Variants in CTIF observed in about 807,000 individuals in gnomAD.
CTIF encodes the protein cap binding complex dependent translation initiation factor, also known as CBP80/20-dependent translation initiation factor.
In CTIF, 21 loss-of-function variants were observed where a neutral mutation model predicts 66.0. That is an observed-to-expected ratio of 0.32 (90% confidence interval 0.23 to 0.46). The LOEUF (loss-of-function observed/expected upper bound fraction) is 0.46, where lower values mean the gene tolerates loss of function less well. Among genes scored for constraint, CTIF ranks in the 20% least tolerant of loss-of-function variants. The probability of loss-of-function intolerance (pLI) is 1.00; values close to 1 mark genes in which losing one functional copy is unlikely to be tolerated. For missense variants in CTIF, 739 were observed against 812.7 expected (o/e 0.91, Z 1.10); for synonymous variants, 345 against 326.4 (o/e 1.06, Z -0.62).
intron 6 of CTIF, among the ~76,000 whole-genome samples, chr18:48,709,714 C>T (rs1031991760): frequency 5.9e-5 from 9 of 152,068 alleles, no homozygotes; most frequent in South Asian, 2.1e-4. Context: ...AGAGGGGAAA[C>T]GAGAGGGGAA....
chr18:48,764,860 G>A (rs1399463102), intron 9 of CTIF, among the ~76,000 whole-genome samples: 1 of 152,236 alleles, frequency 6.6e-6, no homozygotes, highest in Non-Finnish European at 1.5e-5. Flanking sequence ...GACCTCCTGG[G>A]TGGCTAGACA....
At chr18:48,580,631 A>G (rs2089633221) in intron 1 of CTIF, among the ~76,000 whole-genome samples, 3 of 151,982 alleles carry the variant, frequency 2.0e-5, no homozygotes, top group Middle Eastern at 3.4e-3. Context: ...GGGGTTTTTG[A>G]CTGTGGACCA....
chr18:48,828,418 A>G (rs1381537446), intron 10 of CTIF, among the ~76,000 whole-genome samples: 1 of 152,124 alleles, frequency 6.6e-6, no homozygotes, highest in Non-Finnish European at 1.5e-5. Context: ...AGTTTTTCCT[A>G]ATAAACATCA....
chr18:48,683,339 C>T (rs753550879), intron 6 of CTIF, among the ~76,000 whole-genome samples: 5 of 150,678 alleles, frequency 3.3e-5, no homozygotes, highest in Admixed American at 6.6e-5. Flanking sequence ...CAGAAAATGA[C>T]GGCCTGTCCC....
In CTIF at chr18:48,561,471, G is replaced by A. The variant is rs970723876; in HGVS notation, c.-29+22159G>A. ...TGCAGGCTCTTGGCTTTGCAGCAAC[G>A]GAGTCTTTCGCAGCAAGACCATCCA... On this transcript the variant is annotated intron_variant, in intron 1 of 11. Coordinates refer to ENST00000256413, the MANE Select transcript of CTIF (RefSeq NM_014772.3). 7.2e-5 allele frequency among the ~76,000 whole-genome samples: 11 copies of A among 152,188 alleles called. 2 individuals carry two copies. Among genetic ancestry groups the A allele is most frequent in the South Asian group, 2.1e-4 (1 of 4,826 alleles).
chr18:48,671,026 A>G (rs1044296721), intron 6 of CTIF, among the ~76,000 whole-genome samples: 2 of 152,084 alleles, frequency 1.3e-5, no homozygotes. Context: ...AACTCAGTGA[A>G]CTTGGAAGTT....
chr18:48,630,286 C>T (rs922903666), intron 2 of CTIF, among the ~76,000 whole-genome samples: 1 of 152,096 alleles, frequency 6.6e-6, no homozygotes, highest in South Asian at 2.1e-4. Flanking sequence ...TGGAATGGAT[C>T]CCTCAGGGTT....
At chr18:48,738,509 C>T (rs367911508) in intron 7 of CTIF, among the ~76,000 whole-genome samples, 3 of 152,118 alleles carry the variant, frequency 2.0e-5, no homozygotes, top group African/African-American at 7.2e-5. Flanking sequence ...CCAGAAGTTC[C>T]ACCTCGGGGA....
At chr18:48,689,140 C>T (rs531348722) in intron 6 of CTIF, among the ~76,000 whole-genome samples, 7 of 152,332 alleles carry the variant, frequency 4.6e-5, no homozygotes, top group South Asian at 2.1e-4. Context: ...CTGGGCATCC[C>T]GCACTGGCAG....
intron 9 of CTIF, among the ~76,000 whole-genome samples, chr18:48,803,737 A>C (rs1364697766): frequency 1.3e-5 from 2 of 152,218 alleles, no homozygotes; most frequent in African/African-American, 4.8e-5. Context: ...GGCCAGTCAG[A>C]ATCCTTCCCT....
intron 9 of CTIF, among the ~76,000 whole-genome samples, chr18:48,800,356 G>A (rs1316384079): frequency 1.3e-5 from 2 of 152,172 alleles, no homozygotes; most frequent in African/African-American, 4.8e-5. Context: ...TACCCAAGAG[G>A]CTTACAGTCT....
At chr18:48,847,893 A>T (rs934526699) in intron 10 of CTIF, among the ~76,000 whole-genome samples, 11 of 152,144 alleles carry the variant, frequency 7.2e-5, no homozygotes, top group South Asian at 6.2e-4. Flanking sequence ...GCCTCCCTGA[A>T]CGGAGACCTA....
Position 48,793,194 on chromosome 18 carries a change from G to A in CTIF, c.1372-24027G>A, listed in dbSNP as rs116393665. ...GGATCCCCTTGCAGGCTAGCACAAGGGAGGGCTCAGGAGAGACAAGTAATT... is the reference window on the plus strand; with the variant it reads ...GGATCCCCTTGCAGGCTAGCACAAGAGAGGGCTCAGGAGAGACAAGTAATT... On this transcript the variant is annotated intron_variant, in intron 9 of 11. Coordinates refer to ENST00000256413, the MANE Select transcript of CTIF (RefSeq NM_014772.3). Among the ~76,000 whole-genome samples, 779 of 152,304 alleles carry A rather than the reference G, an allele frequency of 5.1e-3. 7 individuals are homozygous for A. The highest frequency in any genetic ancestry group is 0.018 in the African/African-American group (758 of 41,568).
chr18:48,542,637 A>G (rs1045597884), intron 1 of CTIF, among the ~76,000 whole-genome samples: 1 of 152,252 alleles, frequency 6.6e-6, no homozygotes, highest in African/African-American at 2.4e-5. Context: ...TTGCAATGCA[A>G]TAACACAGCC....
At chr18:48,656,326 G>C (rs1180495621) in intron 3 of CTIF, among the ~76,000 whole-genome samples, 1 of 152,246 alleles carries the variant, frequency 6.6e-6, no homozygotes, top group Non-Finnish European at 1.5e-5. Context: ...CCTGGTAACT[G>C]GCTCCATGAA....
At chr18:48,823,976 C>CCACACACA (rs35554666) in intron 10 of CTIF, among the ~76,000 whole-genome samples, 1,272 of 124,200 alleles carry the variant, frequency 0.01, 12 homozygotes, top group East Asian at 0.076. Flanking sequence ...CCTAAAGACT[C>CCACACACA]CACACACACA....
intron 6 of CTIF, among the ~76,000 whole-genome samples, chr18:48,693,964 G>T (rs190915804): frequency 6.6e-6 from 1 of 152,246 alleles, no homozygotes; most frequent in South Asian, 2.1e-4. Context: ...CAGTTTATGC[G>T]TTGGTGCCTA....
At chr18:48,655,910 G>T (rs770142400) in intron 3 of CTIF, among the ~76,000 whole-genome samples, 1 of 152,210 alleles carries the variant, frequency 6.6e-6, no homozygotes, top group Non-Finnish European at 1.5e-5. Context: ...CACTTGCACA[G>T]CAAAAATCAC....
intron 1 of CTIF, among the ~76,000 whole-genome samples, chr18:48,597,897 A>T (rs1226602499): frequency 6.6e-6 from 1 of 152,190 alleles, no homozygotes; most frequent in Non-Finnish European, 1.5e-5. Context: ...TCTCTTTTCC[A>T]GCCTGAGAAC....
Sources: gnomAD v4.1 joint callset for allele counts (sites outside exome capture counted in the v4.1 genomes callset) on GRCh38, gnomAD v4.1.1 for gene constraint, MANE v1.5 for transcripts, NCBI Gene and HGNC (gene_info 2026-07-23, HGNC 2026-07-21) for gene names.